NUP155: variants seen among roughly 807,000 people sequenced by gnomAD.
NUP155 encodes the protein nucleoporin 155.
In NUP155, 71 loss-of-function variants were observed where a neutral mutation model predicts 180.4. The ratio of observed to expected loss-of-function variants is 0.39; its 90% CI spans 0.33 to 0.48. The LOEUF (loss-of-function observed/expected upper bound fraction) is 0.48. NUP155 is among the 20% of genes least tolerant of loss of function. The pLI, the probability that NUP155 is intolerant of heterozygous loss-of-function variation, is 0.91. For missense variants in NUP155, 1,553 were observed against 1,648.9 expected, an observed-to-expected ratio of 0.94 and a Z score of 1.01; for synonymous variants, 582 against 559.5, an observed-to-expected ratio of 1.04 and a Z score of -0.57.
chr5:37,307,485 A>G, intron 24 of NUP155, 53 bp from the exon 25 acceptor site: 3 of 1,561,410 alleles, frequency 1.9e-6, no homozygotes, highest in Non-Finnish European at 2.6e-6. Flanking sequence ...AGTTGGATAC[A>G]TTTTTCCTTA....
At chr5:37,364,099 T>C in intron 2 of NUP155, 115 bp from the exon 3 acceptor site, 2 of 1,086,216 alleles carry the variant, frequency 1.8e-6, no homozygotes, top group Non-Finnish European at 2.8e-6. Context: ...CACTCTTTAA[T>C]ACAACATGGA....
Position 37,352,739 on chromosome 5 carries a change from G to A in NUP155, c.554C>T (p.Thr185Ile). 1 of 1,609,688 alleles carries A rather than the reference G, an allele frequency of 6.2e-7. No individual in the cohort carries two copies. Among genetic ancestry groups the A allele is most frequent in the Non-Finnish European group, 8.5e-7 (1 of 1,176,182 alleles). Residue 185 changes from threonine to isoleucine, a missense_variant and splice_region_variant, in exon 5 of 35, where the codon ACA becomes ATA. By Grantham distance (89) the Thr-to-Ile change is moderately conservative (BLOSUM62 -1). Coordinates refer to ENST00000231498, the MANE Select transcript of NUP155 (RefSeq NM_153485.3). ...CGTTAACATGTGGGTTGCCATACCTGTTTGCAAATTAGCATAGCTGAGTCC... is the reference window on the plus strand; with the variant it reads ...CGTTAACATGTGGGTTGCCATACCTATTTGCAAATTAGCATAGCTGAGTCC... ...ILGLSYANLQ[T>I]GSGVLNDSLS...
chr5:37,331,563 A>G, intron 14 of NUP155, 122 bp downstream of exon 14: 1 of 495,650 alleles, frequency 2.0e-6, no homozygotes, highest in South Asian at 3.1e-5. Context: ...AACAAGAGCG[A>G]AACTCCATCT....
intron 19 of NUP155, among the ~76,000 whole-genome samples, chr5:37,325,493 C>T (rs370141729): frequency 5.9e-5 from 9 of 152,050 alleles, no homozygotes; most frequent in Non-Finnish European, 8.8e-5. Context: ...ACCCGCCAGG[C>T]GCTGAGGCCC....
At chr5:37,322,503 C>T (rs1206474479) in intron 20 of NUP155, among the ~76,000 whole-genome samples, 2 of 151,870 alleles carry the variant, frequency 1.3e-5, no homozygotes, top group African/African-American at 2.4e-5. Context: ...GTCAGGAGAT[C>T]GAGACCATCC....
At chr5:37,304,249 CAAAAA>C in intron 27 of NUP155, among the ~76,000 whole-genome samples, 1 of 74,752 alleles carries the variant, frequency 1.3e-5, no homozygotes, top group Non-Finnish European at 2.4e-5. Context: ...GACTCCATCT[CAAAAA>C]AAAAAAAAAA....
At chr5:37,320,716 G>T (rs369722738) in intron 20 of NUP155, among the ~76,000 whole-genome samples, 17 of 152,250 alleles carry the variant, frequency 1.1e-4, no homozygotes, top group African/African-American at 3.8e-4. Context: ...AATTGCAGAT[G>T]TAATGGTAAA....
rs1222558085 is a variant in NUP155 at position 37,337,933 on chromosome 5, T to C, written c.1247-15A>G. The stretch of plus-strand genomic sequence containing the variant: ...CAATAGAATACCTAAAAGTTTAATA[T>C]ACAAAATATTATTACATCATGTCAA... On this transcript the variant is annotated splice_polypyrimidine_tract_variant and intron_variant, in intron 11 of 34. Coordinates refer to ENST00000231498, the MANE Select transcript of NUP155 (RefSeq NM_153485.3). 3 of 1,383,894 alleles carry C rather than the reference T, an allele frequency of 2.2e-6. No individual in the cohort carries two copies. Among genetic ancestry groups the C allele is most frequent in the Admixed American group, 1.7e-5 (1 of 59,062 alleles). 85.7% of individuals were successfully genotyped at this position (1,383,894 alleles called of 1,614,324 possible).
chr5:37,363,998 G>T lies in NUP155; in HGVS notation c.296-14C>A, dbSNP rs1747383136. The T allele has an allele frequency of 6.4e-7, 1 of 1,554,376 alleles. No homozygotes were observed. ...TACACTGCATATCTGAGGTAGTGTGGATGTAAGGCAGACAGAGGTGAATCT... is the reference window on the plus strand; with the variant it reads ...TACACTGCATATCTGAGGTAGTGTGTATGTAAGGCAGACAGAGGTGAATCT... On this transcript the variant is annotated splice_polypyrimidine_tract_variant and intron_variant, in intron 2 of 34. Coordinates refer to ENST00000231498, the MANE Select transcript of NUP155 (RefSeq NM_153485.3).
intron 1 of NUP155, among the ~76,000 whole-genome samples, chr5:37,370,202 T>C (rs1309787457): frequency 6.6e-6 from 1 of 152,104 alleles, no homozygotes; most frequent in Non-Finnish European, 1.5e-5. Flanking sequence ...AAACCCCGTC[T>C]CTACTTAAAA....
Position 37,309,238 on chromosome 5 carries a change from T to A in NUP155, c.2658A>T (p.Gln886His). 1 of 1,612,990 alleles carries A rather than the reference T, an allele frequency of 6.2e-7. No individual in the cohort carries two copies. The highest frequency in any genetic ancestry group is 8.5e-7 in the Non-Finnish European group (1 of 1,179,724). Residue 886 changes from glutamine to histidine, a missense_variant, in exon 24 of 35, where the codon CAA becomes CAT. Physicochemically the swap from Gln to His is conservative, Grantham distance 24. Transcript: ENST00000231498. ...TTTCTTTTTCAGTCTTATTTTGAAC[T>A]TGTCGGGAACGCTGGAGAAGCTCAT... ...KANELLQRSR[Q>H]VQNKTEKERM...
chr5:37,311,847 C>T (rs1004474508), intron 22 of NUP155, among the ~76,000 whole-genome samples: 3 of 152,006 alleles, frequency 2.0e-5, no homozygotes, highest in African/African-American at 4.8e-5. Context: ...TGGCGAAACC[C>T]GGTCTCTTAC....
intron 30 of NUP155, 162 bp downstream of exon 30, chr5:37,301,275 A>T (rs888688042): frequency 1.7e-6 from 1 of 594,230 alleles, no homozygotes; most frequent in African/African-American, 1.9e-5. Context: ...GAGTCAGATG[A>T]AGCAGTGGTG....
At chr5:37,338,744 A>G (rs1437033470) in intron 11 of NUP155, among the ~76,000 whole-genome samples, 1 of 152,180 alleles carries the variant, frequency 6.6e-6, no homozygotes. Context: ...ACAAAATAAA[A>G]TAATTCCCTG....
Position 37,288,269 on chromosome 5 carries a change from C to G in NUP155, c.*3631G>C, listed in dbSNP as rs1055548564. The stretch of plus-strand genomic sequence containing the variant: ...TTCATTTCCTTGATACAACTCTGTA[C>G]CATGGTCATAATTTTTCCGTCTCAT... On this transcript the variant is annotated 3_prime_UTR_variant, in exon 35 of 35. Transcript: ENST00000231498. 6 of 152,096 alleles carry G rather than the reference C, an allele frequency of 3.9e-5. No homozygotes were observed. Among genetic ancestry groups the G allele is most frequent in the African/African-American group, 1.2e-4 (5 of 41,410 alleles). 9.4% of individuals were successfully genotyped at this position (152,096 alleles called of 1,614,324 possible). A position where few individuals can be genotyped will look rare whatever the true frequency, so the allele number is the denominator to read the frequency against.
chr5:37,337,284 A>G (rs1344576423), intron 12 of NUP155, among the ~76,000 whole-genome samples: 2 of 152,194 alleles, frequency 1.3e-5, no homozygotes, highest in East Asian at 3.8e-4. Context: ...TGTGGGAAAG[A>G]AAAATGAAAT....
chr5:37,296,268 G>A (rs1320803408), intron 32 of NUP155, among the ~76,000 whole-genome samples: 24 of 152,186 alleles, frequency 1.6e-4, no homozygotes, highest in African/African-American at 2.2e-4. Context: ...TGAGAAATCG[G>A]ATGGTTGCCG....
In NUP155 at chr5:37,304,859, T is replaced by C. The variant is rs367784924; in HGVS notation, c.3058-16A>G. 1.2e-6 allele frequency: 2 copies of C among 1,602,640 alleles called. No individual in the cohort carries two copies. Among genetic ancestry groups the C allele is most frequent in the South Asian group, 1.1e-5 (1 of 90,856 alleles). ...TTTGTTCAAACTAAAATAAAGAAAATAGTAAAAATTAGCAGTTAAAGGCTC... is the reference window on the plus strand; with the variant it reads ...TTTGTTCAAACTAAAATAAAGAAAACAGTAAAAATTAGCAGTTAAAGGCTC... On this transcript the variant is annotated splice_polypyrimidine_tract_variant and intron_variant, in intron 26 of 34. Coordinates refer to ENST00000231498, the MANE Select transcript of NUP155 (RefSeq NM_153485.3).
At chr5:37,328,680 C>T (rs553052602) in intron 16 of NUP155, among the ~76,000 whole-genome samples, 1 of 152,206 alleles carries the variant, frequency 6.6e-6, no homozygotes, top group East Asian at 1.9e-4. Flanking sequence ...ACTTTTTGTA[C>T]TTTTAGTAGA....
Sources: allele counts gnomAD v4.1 joint callset (sites outside exome capture counted in the v4.1 genomes callset), GRCh38; gene constraint gnomAD v4.1.1; transcripts MANE v1.5; gene names NCBI Gene and HGNC (gene_info 2026-07-23, HGNC 2026-07-21).